Variants in ZNF285 observed in about 807,000 individuals in gnomAD.
ZNF285 encodes zinc finger protein 285.
Under a neutral mutation model 6.2 loss-of-function variants are expected in ZNF285, and 4 were observed. The observed-to-expected ratio is 0.65, with a 90% confidence interval of 0.32 to 1.49. ZNF285 has a LOEUF of 1.49. Ranked by LOEUF, ZNF285 falls within the 40% of genes most tolerant of loss-of-function variation. The pLI is 0.07. For missense variants in ZNF285, 695 were observed against 708.8 expected (o/e 0.98, Z 0.22); for synonymous variants, 240 against 245.8 (o/e 0.98, Z 0.22).
At position 44,387,574 on chromosome 19, in the gene ZNF285, G is replaced by A. The variant is rs182902713; in HGVS notation, c.671C>T (p.Ala224Val). Reference sequence around the variant, plus strand: ...GAAAGGCTGTGGTAATACATGGGCCGCATTACGTTTTTCAACCGTTGATTT... The same window carrying A: ...GAAAGGCTGTGGTAATACATGGGCCACATTACGTTTTTCAACCGTTGATTT... Reference protein sequence around the residue: ...GMKSTVEKRNAAHVLPQPFPC... With the variant: ...GMKSTVEKRNVAHVLPQPFPC... The change falls in exon 4 of 4, where the codon GCG (alanine) becomes GTG (valine). Residue 224 changes from alanine (A) to valine (V), a missense_variant. Coordinates refer to ENST00000614994, the MANE Select transcript of ZNF285 (RefSeq NM_152354.6). 8.7e-6 allele frequency: 14 copies of A among 1,613,864 alleles called. No individual in the cohort carries two copies. Among genetic ancestry groups the A allele is most frequent in the East Asian group, 4.5e-5 (2 of 44,876 alleles).
At chr19:44,394,009 C>A (rs1760154003) in intron 2 of ZNF285, among the ~76,000 whole-genome samples, 1 of 152,048 alleles carries the variant, frequency 6.6e-6, no homozygotes, top group South Asian at 2.1e-4. Context: ...TGGAACCAAG[C>A]CAAATGTCCA....
chr19:44,386,107 TA>T lies in ZNF285; in HGVS notation c.*364del, dbSNP rs967617379. ...CAGAGAGTATTTTTCTACTGGGGAC[TA>T]AAAAAAAATCTAAAGACGTTGGCTG... On this transcript the variant is annotated 3_prime_UTR_variant, in exon 4 of 4. Transcript: ENST00000614994. The T allele has an allele frequency of 6.5e-4, 122 of 187,146 alleles. No individual in the cohort carries two copies. The highest frequency in any genetic ancestry group is 1.2e-3 in the East Asian group (10 of 8,182). The allele number at this position is 187,146 out of a possible 1,614,324, so 11.6% of individuals were successfully genotyped here.
chr19:44,394,487 C>G (rs1259279376), intron 2 of ZNF285: 1 of 495,760 alleles, frequency 2.0e-6, no homozygotes, highest in Non-Finnish European at 3.5e-6. Flanking sequence ...TACACCAAAC[C>G]CCCGCAACAC....
At chr19:44,401,437 C>G (rs780643501) in intron 1 of ZNF285, 131 bp downstream of exon 1, 8 of 152,402 alleles carry the variant, frequency 5.2e-5, no homozygotes, top group African/African-American at 1.2e-4. Context: ...CCTACGAGGC[C>G]TTATCATTGG....
At position 44,396,810 on chromosome 19, in the gene ZNF285, T is replaced by C. The variant is rs150583580; in HGVS notation, c.15+389A>G. 1.5e-3 allele frequency: 309 copies of C among 209,828 alleles called. 3 individuals carry two copies. The highest frequency in any genetic ancestry group is 6.6e-3 in the African/African-American group (292 of 43,954). 13.0% of individuals were successfully genotyped at this position (209,828 alleles called of 1,614,324 possible). A position where few individuals can be genotyped will look rare whatever the true frequency, so the allele number is the denominator to read the frequency against. On this transcript the variant is annotated intron_variant, in intron 2 of 3. Coordinates refer to ENST00000614994, the MANE Select transcript of ZNF285 (RefSeq NM_152354.6). ...ATACCCATTCAAATCTTGCTACTTA[T>C]TGAATGAGGCCAGTCACATTTAGAG...
chr19:44,392,255 T>C, intron 3 of ZNF285, 85 bp downstream of exon 3: 1 of 1,578,370 alleles, frequency 6.3e-7, no homozygotes, highest in Non-Finnish European at 8.6e-7. Context: ...AAAGTTTCTC[T>C]TTGTGGTCTA....
rs1413970226 is a variant in ZNF285, at chr19:44,385,233, A to C, written c.*1239T>G. The C allele has an allele frequency of 6.6e-6, 1 of 152,208 alleles. No homozygotes were observed. Among genetic ancestry groups the C allele is most frequent in the South Asian group, 2.1e-4 (1 of 4,826 alleles). The allele number at this position is 152,208 out of a possible 1,614,324, so 9.4% of individuals were successfully genotyped here. A position where few individuals can be genotyped will look rare whatever the true frequency, so the allele number is the denominator to read the frequency against. ...TGATTTTATTCAATTAATTTTATTA[A>C]GACTAACCACAGAACACCTATTCTA... On this transcript the variant is annotated 3_prime_UTR_variant, in exon 4 of 4. Coordinates refer to ENST00000614994, the MANE Select transcript of ZNF285 (RefSeq NM_152354.6).
Position 44,386,834 on chromosome 19 carries a change from G to T in ZNF285, c.1411C>A (p.Leu471Ile). Reference protein sequence around the residue: ...CGKDFAYSSVLHTHQRVHTGE... With the variant: ...CGKDFAYSSVIHTHQRVHTGE... ...GTGTGAACTCTCTGATGAGTGTGAAGAACAGAGCTATACGCAAAATCCTTT... is the reference window on the plus strand; with the variant it reads ...GTGTGAACTCTCTGATGAGTGTGAATAACAGAGCTATACGCAAAATCCTTT... The change falls in exon 4 of 4, where the codon CTT (leucine) becomes ATT (isoleucine). Residue 471 changes from leucine to isoleucine, a missense_variant. Physicochemically the swap from Leu to Ile is conservative, Grantham distance 5 (BLOSUM62 2). Transcript: ENST00000614994. 6.2e-7 allele frequency: 1 copy of T among 1,614,224 alleles called. No homozygotes were observed. The highest frequency in any genetic ancestry group is 8.5e-7 in the Non-Finnish European group (1 of 1,180,040).
In ZNF285 at chr19:44,389,509, C is replaced by T. The variant is rs1474909809; in HGVS notation, c.143-1407G>A. Among the ~76,000 whole-genome samples the T allele has an allele frequency of 3.3e-5, 5 of 152,112 alleles. No individual in the cohort carries two copies. The South Asian group carries it at 1.0e-3, about 32-fold the overall frequency. On this transcript the variant is annotated intron_variant, in intron 3 of 3. Transcript: ENST00000614994. ...CATTATGACTCAGTAGGAATAGGCA[C>T]GAACATCAACAGAGACTGCTCACTA...
intron 1 of ZNF285, among the ~76,000 whole-genome samples, chr19:44,400,631 G>C (rs574456483): frequency 1.3e-5 from 2 of 152,266 alleles, no homozygotes; most frequent in African/African-American, 4.8e-5. Flanking sequence ...CTGGAGTGCA[G>C]TGGCGTGATC....
rs1971318124 is a variant in ZNF285 at position 44,398,291 on chromosome 19, A to C, written c.-43-1035T>G. Among the ~76,000 whole-genome samples the C allele has an allele frequency of 1.3e-5, 2 of 152,102 alleles. 1 individual carries two copies. Among genetic ancestry groups the C allele is most frequent in the African/African-American group, 4.8e-5 (2 of 41,390 alleles). ...AGGCCTTCTAAGCTTGCCACTTCAT[A>C]TACACTAAAGCCCCTTCCTGTTCTG... On this transcript the variant is annotated intron_variant, in intron 1 of 3. Coordinates refer to ENST00000614994, the MANE Select transcript of ZNF285 (RefSeq NM_152354.6).
At chr19:44,389,828 G>A (rs112727566) in intron 3 of ZNF285, among the ~76,000 whole-genome samples, 4,131 of 152,126 alleles carry the variant, frequency 0.027, 213 homozygotes, top group African/African-American at 0.093. Context: ...ACAACTGCAG[G>A]GATATGCAGA....
Position 44,391,994 on chromosome 19 carries a change from T to C in ZNF285, c.142+346A>G, listed in dbSNP as rs914775961. 4.5e-4 allele frequency among the ~76,000 whole-genome samples: 69 copies of C among 152,124 alleles called. 1 individual carries two copies. The highest frequency in any genetic ancestry group is 1.5e-3 in the African/African-American group (61 of 41,378). ...GGTTTTTTTCTCCAGAAGCAACCAA[T>C]AGATCAAGGCCCTTGGTAATGTGTG... is the stretch of plus-strand genomic sequence containing the variant. On this transcript the variant is annotated intron_variant, in intron 3 of 3. Transcript: ENST00000614994.
At position 44,383,266 on chromosome 19, in the gene ZNF285, T is replaced by A. The variant is rs1405891419; in HGVS notation, c.*3206A>T. The A allele has an allele frequency of 1.3e-5, 2 of 152,218 alleles. No homozygotes were observed. The highest frequency in any genetic ancestry group is 2.9e-5 in the Non-Finnish European group (2 of 68,042). The allele number at this position is 152,218 out of a possible 1,614,324, so 9.4% of individuals were successfully genotyped here. ...GATTATGTCTCAACATTTTTTATTTTGTCTTAATCTCACCCCATGAATCTG... is the reference window on the plus strand; with the variant it reads ...GATTATGTCTCAACATTTTTTATTTAGTCTTAATCTCACCCCATGAATCTG... On this transcript the variant is annotated 3_prime_UTR_variant, in exon 4 of 4. Coordinates refer to ENST00000614994, the MANE Select transcript of ZNF285 (RefSeq NM_152354.6).
intron 3 of ZNF285, among the ~76,000 whole-genome samples, chr19:44,389,582 T>C (rs1464364352): frequency 6.6e-6 from 1 of 152,168 alleles, no homozygotes; most frequent in East Asian, 1.9e-4. Flanking sequence ...TGCAATACAC[T>C]TCGATAAATT....
At chr19:44,398,698 T>C (rs1266240264) in intron 1 of ZNF285, among the ~76,000 whole-genome samples, 1 of 152,172 alleles carries the variant, frequency 6.6e-6, no homozygotes, top group Non-Finnish European at 1.5e-5. Context: ...TTACCCAATT[T>C]GAGTGTTCTG....
intron 1 of ZNF285, among the ~76,000 whole-genome samples, chr19:44,400,931 T>C (rs1047938916): frequency 1.3e-5 from 2 of 152,062 alleles, no homozygotes; most frequent in African/African-American, 4.8e-5. Context: ...TCTGGAGTTA[T>C]TACAGTATTA....
Position 44,384,256 on chromosome 19 carries a change from A to G in ZNF285, c.*2216T>C, listed in dbSNP as rs189817815. ...CCTTCAGGTTGTTTACAGTCTTCTC[A>G]TTGCAAAATTCTTAGAACATATTTC... On this transcript the variant is annotated 3_prime_UTR_variant, in exon 4 of 4. Coordinates refer to ENST00000614994, the MANE Select transcript of ZNF285 (RefSeq NM_152354.6). The G allele has an allele frequency of 2.0e-4, 30 of 152,316 alleles. No individual in the cohort carries two copies. The East Asian group carries it at 5.8e-3, about 29-fold the overall frequency. 9.4% of individuals were successfully genotyped at this position (152,316 alleles called of 1,614,324 possible). A position where few individuals can be genotyped will look rare whatever the true frequency, so the allele number is the denominator to read the frequency against.
At chr19:44,394,411 T>C (rs148820216) in intron 2 of ZNF285, 10 of 394,022 alleles carry the variant, frequency 2.5e-5, no homozygotes, top group South Asian at 7.2e-5. Flanking sequence ...TAAAGTATAA[T>C]AAAAAAAAAA....
Sources: gnomAD v4.1 joint callset for allele counts (sites outside exome capture counted in the v4.1 genomes callset) on GRCh38, gnomAD v4.1.1 for gene constraint, MANE v1.5 for transcripts, NCBI Gene and HGNC (gene_info 2026-07-23, HGNC 2026-07-21) for gene names.